Variants in VWF observed in about 807,000 individuals in gnomAD.
VWF encodes the protein von Willebrand factor.
A neutral mutation model predicts 308.6 loss-of-function variants in VWF; 176 were observed. The ratio of observed to expected loss-of-function variants is 0.57; its 90% CI spans 0.50 to 0.65. VWF has a LOEUF of 0.65. Among genes scored for constraint, VWF ranks in the 30% least tolerant of loss-of-function variants. VWF has a pLI of 0.00. For missense variants in VWF, 3,146 were observed against 3,648.2 expected, an observed-to-expected ratio of 0.86 and a Z score of 3.55; for synonymous variants, 1,385 against 1,443.4, an observed-to-expected ratio of 0.96 and a Z score of 0.92.
chr12:5,959,938 C>CA (rs1389409575), intron 47 of VWF, among the ~76,000 whole-genome samples: 1 of 150,656 alleles, frequency 6.6e-6, no homozygotes, highest in Non-Finnish European at 1.5e-5. Flanking sequence ...AAATTAGACC[C>CA]AGTCATTAAA....
chr12:5,956,555 A>C (rs1943252613), intron 47 of VWF, among the ~76,000 whole-genome samples: 1 of 152,012 alleles, frequency 6.6e-6, no homozygotes, highest in African/African-American at 2.4e-5. Flanking sequence ...AGGCAGGAGG[A>C]TCAGTTGATC....
intron 42 of VWF, among the ~76,000 whole-genome samples, chr12:5,981,269 T>C (rs1022987947): frequency 6.6e-6 from 1 of 151,966 alleles, no homozygotes; most frequent in Non-Finnish European, 1.5e-5. Context: ...TGGTGTGCAC[T>C]TGTAATCTCA....
chr12:6,118,531 C>A (rs1945394240), intron 3 of VWF, among the ~76,000 whole-genome samples: 1 of 151,990 alleles, frequency 6.6e-6, no homozygotes, highest in African/African-American at 2.4e-5. Flanking sequence ...GGGATACAGG[C>A]ACCCACCACA....
At chr12:5,958,533 C>G (rs780182391) in intron 47 of VWF, among the ~76,000 whole-genome samples, 1 of 151,882 alleles carries the variant, frequency 6.6e-6, no homozygotes, top group Non-Finnish European at 1.5e-5. Flanking sequence ...ACAAAAAATA[C>G]AAAAAATCAG....
At chr12:5,967,810 G>A (rs566259201) in intron 46 of VWF, among the ~76,000 whole-genome samples, 1 of 152,340 alleles carries the variant, frequency 6.6e-6, no homozygotes, top group African/African-American at 2.4e-5. Flanking sequence ...TGCCAAAGAG[G>A]CAGCCCAGGT....
chr12:6,022,697 T>C, intron 26 of VWF, 43 bp downstream of exon 26: 1 of 363,864 alleles, frequency 2.7e-6, no homozygotes, highest in Non-Finnish European at 4.9e-6. Flanking sequence ...CATCCATCCC[T>C]ATCCCATCCC....
At position 5,996,231 on chromosome 12, in the gene VWF, A is replaced by T; in HGVS notation, c.5843-9T>A. On this transcript the variant is annotated splice_polypyrimidine_tract_variant and intron_variant, in intron 34 of 51. Coordinates refer to ENST00000261405, the MANE Select transcript of VWF (RefSeq NM_000552.5). The stretch of plus-strand genomic sequence containing the variant: ...GCTGCCTGTGCACACGCCTGGACAG[A>T]GAGAAGCAGAGGATGGATGCGACGT... 1 of 1,606,948 alleles carries T rather than the reference A, an allele frequency of 6.2e-7. No individual in the cohort carries two copies. The highest frequency in any genetic ancestry group is 8.5e-7 in the Non-Finnish European group (1 of 1,176,594).
intron 16 of VWF, among the ~76,000 whole-genome samples, chr12:6,052,256 A>G (rs1316691939): frequency 6.6e-6 from 1 of 152,186 alleles, no homozygotes; most frequent in East Asian, 1.9e-4. Context: ...CCAGAAAAGG[A>G]AAACTGAGAC....
intron 40 of VWF, 107 bp downstream of exon 40, chr12:5,984,938 T>G (rs1197815831): frequency 8.8e-6 from 11 of 1,255,448 alleles, no homozygotes; most frequent in Non-Finnish European, 1.3e-5. Flanking sequence ...CCACCTCCTT[T>G]CACACACCCT....
chr12:6,100,335 G>A (rs1379376633), intron 5 of VWF, among the ~76,000 whole-genome samples: 1 of 147,862 alleles, frequency 6.8e-6, no homozygotes, highest in Non-Finnish European at 1.5e-5. Flanking sequence ...TCAGTGTGGT[G>A]ATTCCTCAGG....
intron 43 of VWF, among the ~76,000 whole-genome samples, 168 bp downstream of exon 43, chr12:5,975,943 G>T (rs966021825): frequency 6.6e-6 from 1 of 152,006 alleles, no homozygotes; most frequent in African/African-American, 2.4e-5. Context: ...GTGAACCCGG[G>T]AGGCAGAGCT....
At chr12:5,970,987 G>T (rs1469647470) in intron 44 of VWF, among the ~76,000 whole-genome samples, 1 of 152,198 alleles carries the variant, frequency 6.6e-6, no homozygotes, top group Non-Finnish European at 1.5e-5. Context: ...GTCTAAGAGA[G>T]AACCTGGCAG....
rs1402542705 is a variant in VWF, at chr12:6,058,040, G to T, written c.1538C>A (p.Ser513Tyr). 1 of 1,612,978 alleles carries T rather than the reference G, an allele frequency of 6.2e-7. No individual in the cohort carries two copies. Among genetic ancestry groups the T allele is most frequent in the African/African-American group, 1.3e-5 (1 of 74,936 alleles). ...GCAGGTCTTCCCGGCATAGACGGGGGACAGCTGCAGGAGAGACCAGGCCAC... is the reference window on the plus strand; with the variant it reads ...GCAGGTCTTCCCGGCATAGACGGGGTACAGCTGCAGGAGAGACCAGGCCAC... Reference protein sequence around the residue: ...DGRGRLLVKLSPVYAGKTCGL... With the variant: ...DGRGRLLVKLYPVYAGKTCGL... The change falls in exon 14 of 52, where the codon TCC becomes TAC. Residue 513 changes from serine to tyrosine, a missense_variant. Coordinates refer to ENST00000261405, the MANE Select transcript of VWF (RefSeq NM_000552.5). This position sits in a 1 kb window ranked among gnomAD's most constrained non-coding sequence, Gnocchi z 4.9.
chr12:6,075,495 G>A lies in VWF; in HGVS notation c.714C>T (p.His238=). 6.2e-7 allele frequency: 1 copy of A among 1,614,194 alleles called. No homozygotes were observed. The highest frequency in any genetic ancestry group is 8.5e-7 in the Non-Finnish European group (1 of 1,180,028). The change falls in exon 7 of 52, where the codon CAC becomes CAT. Residue 238 remains histidine, a synonymous_variant. Transcript: ENST00000261405. This position sits in a 1 kb window ranked among gnomAD's most constrained non-coding sequence, Gnocchi z 4.7. ...LKSTSVFARC[H]PLVDPEPFVA... ...CAAAAGGCTCGGGGTCCACCAGAGGGTGGCAGCGGGCAAACACCGAGGTGC... is the reference window on the plus strand; with the variant it reads ...CAAAAGGCTCGGGGTCCACCAGAGGATGGCAGCGGGCAAACACCGAGGTGC...
At chr12:6,067,075 T>C (rs1944723640) in intron 10 of VWF, among the ~76,000 whole-genome samples, 1 of 152,154 alleles carries the variant, frequency 6.6e-6, no homozygotes, top group Non-Finnish European at 1.5e-5. Flanking sequence ...CCTTCTCCGC[T>C]GCCCCCTCTA....
chr12:5,971,353 G>C (rs1943471009), intron 44 of VWF, among the ~76,000 whole-genome samples: 1 of 152,234 alleles, frequency 6.6e-6, no homozygotes, highest in Admixed American at 6.5e-5. Flanking sequence ...GTGAATGAGA[G>C]AGCATGAATC....
chr12:5,984,165 G>C (rs1443655878), intron 40 of VWF, among the ~76,000 whole-genome samples: 1 of 152,190 alleles, frequency 6.6e-6, no homozygotes, highest in African/African-American at 2.4e-5. Context: ...CTACCTTATA[G>C]GATCAGTCTG....
intron 5 of VWF, among the ~76,000 whole-genome samples, chr12:6,103,976 A>C (rs770682598): frequency 6.6e-6 from 1 of 152,220 alleles, no homozygotes; most frequent in African/African-American, 2.4e-5. Flanking sequence ...CAGAGTGAAG[A>C]GACAGCTTGC....
chr12:6,000,790 CCA>C (rs149367153), intron 34 of VWF, among the ~76,000 whole-genome samples: 52,475 of 137,464 alleles, frequency 0.38, 10,629 homozygotes, highest in East Asian at 0.72. Context: ...CCAGCCTGAG[CCA>C]CAGAGCGAGA....
Sources: gnomAD v4.1 joint callset for allele counts (sites outside exome capture counted in the v4.1 genomes callset) on GRCh38, gnomAD v4.1.1 for gene constraint, Gnocchi (gnomAD v3.1) non-coding constraint, MANE v1.5 for transcripts, NCBI Gene and HGNC (gene_info 2026-07-23, HGNC 2026-07-21) for gene names.